Variants in ATP2B2 observed in about 807,000 individuals in gnomAD.
ATP2B2 encodes plasma membrane calcium-transporting ATPase 2.
A neutral mutation model predicts 120.0 loss-of-function variants in ATP2B2; 15 were observed. The observed-to-expected ratio is 0.12, with a 90% CI of 0.08 to 0.19. The LOEUF (loss-of-function observed/expected upper bound fraction) is 0.19, where lower values mean the gene tolerates loss of function less well. Ranked by LOEUF, ATP2B2 falls within the 10% of genes least tolerant of loss-of-function variation. The probability of loss-of-function intolerance (pLI) is 1.00; values close to 1 mark genes in which losing one functional copy is unlikely to be tolerated. For synonymous variants in ATP2B2, 694 were observed against 700.3 expected (o/e 0.99, Z 0.14); for missense variants, 1,045 against 1,719.8 (o/e 0.61, Z 6.94).
Position 10,428,822 on chromosome 3 carries a change from C to T in ATP2B2, c.200-18007G>A, listed in dbSNP as rs146862715. 5.9e-3 allele frequency among the ~76,000 whole-genome samples: 905 copies of T among 152,324 alleles called. 6 individuals carry two copies. Among genetic ancestry groups the T allele is most frequent in the African/African-American group, 0.018 (755 of 41,556 alleles). ...CAGTGTGAGGTGTCACAGAGGCCTTCGCCCAGGTCTGAGTTCCTAAAGCGG... is the reference window on the plus strand; with the variant it reads ...CAGTGTGAGGTGTCACAGAGGCCTTTGCCCAGGTCTGAGTTCCTAAAGCGG... On this transcript the variant is annotated intron_variant, in intron 2 of 22. Coordinates refer to ENST00000360273, the MANE Select transcript of ATP2B2 (RefSeq NM_001001331.4).
At position 10,651,889 on chromosome 3, in the gene ATP2B2, C is replaced by G. The variant is rs371327837; in HGVS notation, c.-459-31928G>C. 4.6e-5 allele frequency among the ~76,000 whole-genome samples: 7 copies of G among 152,182 alleles called. No homozygotes were observed. In the East Asian group the frequency reaches 9.6e-4, roughly 21 times the overall value. ...TGCAGTTCTTTAGCTTAATGCCAGTCATGCTCCATCTGTCTTACTCCCCTG... is the reference window on the plus strand; with the variant it reads ...TGCAGTTCTTTAGCTTAATGCCAGTGATGCTCCATCTGTCTTACTCCCCTG... On this transcript the variant is annotated intron_variant, in intron 1 of 21. Transcript: ENST00000646379.
Position 10,408,587 on chromosome 3 carries a change from A to G in ATP2B2, c.397+2031T>C, listed in dbSNP as rs528297960. 3.3e-5 allele frequency among the ~76,000 whole-genome samples: 5 copies of G among 152,236 alleles called. No homozygotes were observed. The East Asian group carries it at 9.7e-4, about 29-fold the overall frequency. ...AGTGCCCCAGCCAGAGGCAGGGAAG[A>G]GCCTTGGAAAGGGCCAGACAGACTC... On this transcript the variant is annotated intron_variant, in intron 3 of 22. Transcript: ENST00000360273.
intron 3 of ATP2B2, among the ~76,000 whole-genome samples, chr3:10,524,112 A>C (rs1379631752): frequency 2.6e-5 from 4 of 152,136 alleles, no homozygotes; most frequent in Admixed American, 2.0e-4. Flanking sequence ...TGTGGCCACT[A>C]GGTCATCCCC....
intron 2 of ATP2B2, among the ~76,000 whole-genome samples, chr3:10,600,881 G>A (rs189305826): frequency 3.6e-4 from 55 of 152,302 alleles, no homozygotes; most frequent in African/African-American, 1.2e-3. Flanking sequence ...AACACATGGC[G>A]GTCAGGCAAA....
chr3:10,398,061 G>A (rs1308696720), intron 5 of ATP2B2, among the ~76,000 whole-genome samples: 1 of 152,116 alleles, frequency 6.6e-6, no homozygotes, highest in African/African-American at 2.4e-5. Flanking sequence ...TCTTCCATCT[G>A]GTTCATCCTG....
chr3:10,601,509 A>G (rs1337846436), intron 2 of ATP2B2, among the ~76,000 whole-genome samples: 2 of 152,208 alleles, frequency 1.3e-5, no homozygotes, highest in Non-Finnish European at 2.9e-5. Context: ...CCTCATTTAT[A>G]AATGGAGGTC....
At chr3:10,614,082 C>G (rs905646962) in intron 2 of ATP2B2, among the ~76,000 whole-genome samples, 32 of 152,164 alleles carry the variant, frequency 2.1e-4, no homozygotes, top group Non-Finnish European at 3.8e-4. Context: ...GCCCCTCCCC[C>G]TCTCTCCTCT....
At chr3:10,331,898 C>G (rs2059991029) in intron 22 of ATP2B2, 1 of 1,371,298 alleles carries the variant, frequency 7.3e-7, no homozygotes, top group African/African-American at 1.4e-5. Flanking sequence ...GTTCTACATA[C>G]TCGAATGTTT....
chr3:10,368,139 C>T (rs994670033), intron 12 of ATP2B2, among the ~76,000 whole-genome samples: 9 of 152,168 alleles, frequency 5.9e-5, no homozygotes, highest in Admixed American at 2.0e-4. Context: ...GTGGTCTCTA[C>T]GGTTTGTGAG....
At chr3:10,412,776 G>A (rs1034605130) in intron 2 of ATP2B2, among the ~76,000 whole-genome samples, 9 of 152,170 alleles carry the variant, frequency 5.9e-5, no homozygotes, top group African/African-American at 2.2e-4. Context: ...CTAAATGCAG[G>A]TCCGAGTGTT....
chr3:10,332,780 C>T (rs989425844), intron 22 of ATP2B2, among the ~76,000 whole-genome samples: 13 of 152,136 alleles, frequency 8.5e-5, no homozygotes, highest in Admixed American at 8.5e-4. Context: ...CTGGCCTCAT[C>T]AGTGTCTTTC....
Position 10,635,318 on chromosome 3 carries a change from T to C in ATP2B2, c.-459-15357A>G, listed in dbSNP as rs1028748585. On this transcript the variant is annotated intron_variant, in intron 1 of 21. Transcript: ENST00000646379. The surrounding 1 kb of genome is among the most constrained non-coding windows in gnomAD (Gnocchi z 4.3). ...TTTGCCTGAAGCCCCGGGTTTGGAG[T>C]CTCTGGTTGAGAGTTCCAGTGGTTA... 6.6e-6 allele frequency among the ~76,000 whole-genome samples: 1 copy of C among 151,942 alleles called. No individual in the cohort carries two copies. The highest frequency in any genetic ancestry group is 6.6e-5 in the Admixed American group (1 of 15,248).
chr3:10,385,012 G>T (rs148171562), intron 8 of ATP2B2, among the ~76,000 whole-genome samples: 1 of 152,364 alleles, frequency 6.6e-6, no homozygotes, highest in East Asian at 1.9e-4. Flanking sequence ...TCTTATCTGG[G>T]CTCCATGGGG....
chr3:10,626,573 ATGGATG>A (rs2069706227), intron 1 of ATP2B2: 1 of 114,078 alleles, frequency 8.8e-6, no homozygotes, highest in African/African-American at 2.9e-5. Flanking sequence ...GGATGGATGG[ATGGATG>A]GATGGATGGA....
At position 10,372,098 on chromosome 3, in the gene ATP2B2, G is replaced by C. The variant is rs750311341; in HGVS notation, c.1417-47C>G. On this transcript the variant is annotated intron_variant, in intron 11 of 22. Coordinates refer to ENST00000360273, the MANE Select transcript of ATP2B2 (RefSeq NM_001001331.4). ...AGGGCAACAGTGAGGAGAGGGGCTGGGGAGCATGGGGTGCCTGGAGGCACT... is the reference window on the plus strand; with the variant it reads ...AGGGCAACAGTGAGGAGAGGGGCTGCGGAGCATGGGGTGCCTGGAGGCACT... The C allele has an allele frequency of 1.2e-5, 20 of 1,613,742 alleles. No individual in the cohort carries two copies. In the South Asian group the frequency reaches 2.2e-4, roughly 18 times the overall value.
At chr3:10,400,347 CT>C (rs2062176939) in intron 5 of ATP2B2, among the ~76,000 whole-genome samples, 1 of 152,270 alleles carries the variant, frequency 6.6e-6, no homozygotes, top group Non-Finnish European at 1.5e-5. Context: ...AGTCCTGCTT[CT>C]GGGCTTTTGC....
intron 1 of ATP2B2, among the ~76,000 whole-genome samples, chr3:10,643,641 A>G (rs958077283): frequency 5.3e-5 from 8 of 152,244 alleles, no homozygotes; most frequent in Admixed American, 3.9e-4. Flanking sequence ...GAGGAAACAG[A>G]CAAACCCCAA....
intron 1 of ATP2B2, among the ~76,000 whole-genome samples, chr3:10,679,870 G>A (rs2071339734): frequency 6.6e-6 from 1 of 152,166 alleles, no homozygotes; most frequent in Non-Finnish European, 1.5e-5. Context: ...CAGGGTGAGA[G>A]AAGAGGGGAA....
intron 2 of ATP2B2, among the ~76,000 whole-genome samples, chr3:10,430,509 G>T (rs1422476953): frequency 1.3e-5 from 2 of 152,122 alleles, no homozygotes. Context: ...AATAGCAAGA[G>T]AATGAGAATT....
Sources: gnomAD v4.1 joint callset for allele counts (sites outside exome capture counted in the v4.1 genomes callset) on GRCh38, gnomAD v4.1.1 for gene constraint, Gnocchi (gnomAD v3.1) non-coding constraint, MANE v1.5 for transcripts, NCBI Gene and HGNC (gene_info 2026-07-23, HGNC 2026-07-21) for gene names.